Variants in ABTB2 observed in about 807,000 individuals in gnomAD.
The protein encoded by ABTB2 is ankyrin repeat and BTB/POZ domain-containing protein 2.
In ABTB2, 56 loss-of-function variants were observed where a neutral mutation model predicts 104.1. The observed-to-expected ratio is 0.54, with a 90% CI of 0.43 to 0.67. ABTB2 has a LOEUF of 0.67. Ranked by LOEUF, ABTB2 falls within the 30% of genes least tolerant of loss-of-function variation. ABTB2 has a pLI of 0.00. For synonymous variants in ABTB2, 606 were observed against 608.2 expected, an observed-to-expected ratio of 1.00 and a Z score of 0.05; for missense variants, 1,279 against 1,407.7, an observed-to-expected ratio of 0.91 and a Z score of 1.46.
rs745440994 is a variant in ABTB2 at position 34,162,684 on chromosome 11, C to T, written c.2110G>A (p.Glu704Lys). Residue 704 changes from glutamate to lysine, a missense_variant, in exon 10 of 17, where the codon GAG becomes AAG. Physicochemically the swap from Glu to Lys is moderately conservative, Grantham distance 56 (BLOSUM62 1). Coordinates refer to ENST00000435224, the MANE Select transcript of ABTB2 (RefSeq NM_145804.3). ...GTCCGGCTCAGCCGCACGGGCCCCT[C>T]GCTGCCACTGCCCTGGCTCGACGCA... ...SDASSQGSGS[E>K]GPVRLSRTRT... The T allele has an allele frequency of 8.7e-6, 14 of 1,613,012 alleles. No individual in the cohort carries two copies. In the East Asian group the frequency reaches 8.9e-5, roughly 10 times the overall value.
At chr11:34,276,281 G>C (rs1449083183) in intron 1 of ABTB2, among the ~76,000 whole-genome samples, 1 of 151,488 alleles carries the variant, frequency 6.6e-6, no homozygotes, top group African/African-American at 2.4e-5. Flanking sequence ...CACTGTTGAA[G>C]GGTCCTAACC....
At chr11:34,269,427 G>A (rs1365715820) in intron 1 of ABTB2, among the ~76,000 whole-genome samples, 1 of 152,164 alleles carries the variant, frequency 6.6e-6, no homozygotes, top group Non-Finnish European at 1.5e-5. Context: ...AGAAACAAAG[G>A]AAAAGAAGGG....
chr11:34,152,236 G>C lies in ABTB2; in HGVS notation c.*151C>G. 1 of 824,222 alleles carries C rather than the reference G, an allele frequency of 1.2e-6. No individual in the cohort carries two copies. Among genetic ancestry groups the C allele is most frequent in the Non-Finnish European group, 1.9e-6 (1 of 535,020 alleles). 51.1% of individuals were successfully genotyped at this position (824,222 alleles called of 1,614,324 possible). A position where few individuals can be genotyped will look rare whatever the true frequency, so the allele number is the denominator to read the frequency against. On this transcript the variant is annotated 3_prime_UTR_variant, in exon 17 of 17. Coordinates refer to ENST00000435224, the MANE Select transcript of ABTB2 (RefSeq NM_145804.3). ...ACAGCTCTAGGGCAGAGGAGATGAGGGTGAGCTGCCCGGTGACAGGGGGGA... is the reference window on the plus strand; with the variant it reads ...ACAGCTCTAGGGCAGAGGAGATGAGCGTGAGCTGCCCGGTGACAGGGGGGA...
At chr11:34,249,157 C>G (rs934095456) in intron 1 of ABTB2, among the ~76,000 whole-genome samples, 2 of 152,154 alleles carry the variant, frequency 1.3e-5, no homozygotes, top group East Asian at 3.9e-4. Flanking sequence ...GAAAGACACT[C>G]GCAACATGAA....
chr11:34,274,560 TACAC>T (rs3830969), intron 1 of ABTB2, among the ~76,000 whole-genome samples: 14 of 146,282 alleles, frequency 9.6e-5, no homozygotes, highest in Non-Finnish European at 1.3e-4. Context: ...GATTGGAATA[TACAC>T]ACACACACAC....
intron 1 of ABTB2, among the ~76,000 whole-genome samples, chr11:34,332,463 T>C (rs1382442181): frequency 6.6e-6 from 1 of 152,234 alleles, no homozygotes; most frequent in Non-Finnish European, 1.5e-5. Flanking sequence ...CAGGGTATTA[T>C]GCACCCATCC....
chr11:34,201,392 A>G (rs1452106360), intron 2 of ABTB2, among the ~76,000 whole-genome samples: 1 of 152,228 alleles, frequency 6.6e-6, no homozygotes, highest in Non-Finnish European at 1.5e-5. Context: ...CCGTCTTCAA[A>G]ATAAGGCCTA....
intron 1 of ABTB2, among the ~76,000 whole-genome samples, chr11:34,254,856 G>C (rs1385468804): frequency 1.3e-5 from 2 of 152,020 alleles, no homozygotes; most frequent in African/African-American, 4.8e-5. Context: ...ATTTTTAATA[G>C]AGACAGTGTT....
intron 2 of ABTB2, among the ~76,000 whole-genome samples, chr11:34,200,478 T>C (rs1301603091): frequency 6.6e-6 from 1 of 152,204 alleles, no homozygotes; most frequent in Admixed American, 6.5e-5. Flanking sequence ...CTATGGTCAG[T>C]TTCTCTCAGA....
chr11:34,302,208 T>C (rs1033686216), intron 1 of ABTB2, among the ~76,000 whole-genome samples: 3 of 152,230 alleles, frequency 2.0e-5, no homozygotes, highest in African/African-American at 7.2e-5. Context: ...CCACCACAAC[T>C]GGATATTTCA....
intron 1 of ABTB2, among the ~76,000 whole-genome samples, chr11:34,273,833 A>C (rs75140106): frequency 0.11 from 17,175 of 152,144 alleles, 1,163 homozygotes; most frequent in Admixed American, 0.21. Flanking sequence ...AACAATAATT[A>C]TAACAAGTGA....
At chr11:34,316,760 C>T (rs1854936077) in intron 1 of ABTB2, among the ~76,000 whole-genome samples, 1 of 152,100 alleles carries the variant, frequency 6.6e-6, no homozygotes, top group Non-Finnish European at 1.5e-5. Flanking sequence ...ACAGAGTTTC[C>T]AAGAATAAAT....
chr11:34,287,536 C>CAAAT (rs1283621222), intron 1 of ABTB2, among the ~76,000 whole-genome samples: 1 of 152,170 alleles, frequency 6.6e-6, no homozygotes, highest in Non-Finnish European at 1.5e-5. Context: ...AAGACTCTGC[C>CAAAT]AAATAAATAA....
chr11:34,287,951 A>T (rs1854525649), intron 1 of ABTB2, among the ~76,000 whole-genome samples: 2 of 152,178 alleles, frequency 1.3e-5, no homozygotes, highest in African/African-American at 4.8e-5. Context: ...TTAGAACATG[A>T]TGGCCAGAGA....
At chr11:34,318,050 T>C (rs1422804576) in intron 1 of ABTB2, among the ~76,000 whole-genome samples, 2 of 145,558 alleles carry the variant, frequency 1.4e-5, no homozygotes, top group Non-Finnish European at 3.0e-5. Context: ...CACTGCAACC[T>C]CCAGCTCCTG....
At position 34,154,264 on chromosome 11, in the gene ABTB2, C is replaced by A; in HGVS notation, c.2880+1G>T. The A allele has an allele frequency of 1.2e-6, 2 of 1,613,034 alleles. No individual in the cohort carries two copies. Among genetic ancestry groups the A allele is most frequent in the Non-Finnish European group, 1.7e-6 (2 of 1,179,174 alleles). On this transcript the variant is annotated splice_donor_variant, in intron 16 of 16. Transcript: ENST00000435224. LOFTEE classifies it high-confidence loss of function. This position sits in a 1 kb window ranked among gnomAD's most constrained non-coding sequence, Gnocchi z 4.9. ...GGCCAGCAGGCATCCTTGGCCCTCA[C>A]CTTGGCATATTTGTAGGTGTTCACG...
intron 1 of ABTB2, among the ~76,000 whole-genome samples, chr11:34,270,724 G>C (rs1183453791): frequency 6.6e-6 from 1 of 152,180 alleles, no homozygotes; most frequent in South Asian, 2.1e-4. Context: ...GTGGAGTTTG[G>C]GGGGTGGGAA....
chr11:34,180,729 G>C (rs6484698), intron 3 of ABTB2, among the ~76,000 whole-genome samples: 55,351 of 152,092 alleles, frequency 0.36, 10,767 homozygotes, highest in East Asian at 0.69. Context: ...AGCTGCAATA[G>C]GGATGCTAGA....
At position 34,292,414 on chromosome 11, in the gene ABTB2, C is replaced by CTGTGAAGATGGCAGCCTTCACAGACCA. The variant is rs567301564; in HGVS notation, c.883+64260_883+64286dup. On this transcript the variant is annotated intron_variant, in intron 1 of 16. Coordinates refer to ENST00000435224, the MANE Select transcript of ABTB2 (RefSeq NM_145804.3). ...TTCCTCGGGTTCTTTTAGTCATGGT[C>CTGTGAAGATGGCAGCCTTCACAGACCA]TGTGAAGATGGCAGCCTTCACAGAC... is the stretch of plus-strand genomic sequence containing the variant. 4.0e-3 allele frequency among the ~76,000 whole-genome samples: 616 copies of CTGTGAAGATGGCAGCCTTCACAGACCA among 152,320 alleles called. 4 individuals are homozygous for CTGTGAAGATGGCAGCCTTCACAGACCA. Among genetic ancestry groups the CTGTGAAGATGGCAGCCTTCACAGACCA allele is most frequent in the Middle Eastern group, 0.014 (4 of 294 alleles).
Sources: allele counts gnomAD v4.1 joint callset (sites outside exome capture counted in the v4.1 genomes callset), GRCh38; gene constraint gnomAD v4.1.1; non-coding constraint Gnocchi (gnomAD v3.1); transcripts MANE v1.5; gene names NCBI Gene and HGNC (gene_info 2026-07-23, HGNC 2026-07-21).